The following CHRM5 variants were observed in gnomAD, a reference collection of about 807,000 sequenced individuals.
The protein encoded by CHRM5 is muscarinic acetylcholine receptor M5.
CHRM5 carries 18 observed loss-of-function variants against 39.0 expected under a neutral mutation model. The ratio of observed to expected loss-of-function variants is 0.46; its 90% CI spans 0.32 to 0.68. CHRM5 has a LOEUF of 0.68. CHRM5 is among the 30% of genes least tolerant of loss of function. The probability of loss-of-function intolerance (pLI) is 0.04; values close to 1 mark genes in which losing one functional copy is unlikely to be tolerated. For missense variants in CHRM5, 515 were observed against 651.1 expected (o/e 0.79, Z 2.28); for synonymous variants, 241 against 246.3 (o/e 0.98, Z 0.20).
At chr15:33,998,716 A>G (rs1433301251) in intron 1 of CHRM5, among the ~76,000 whole-genome samples, 1 of 152,220 alleles carries the variant, frequency 6.6e-6, no homozygotes, top group African/African-American at 2.4e-5. Flanking sequence ...CATCAACTGC[A>G]TTTGATACAG....
At chr15:34,006,294 G>C (rs1897337695) in intron 1 of CHRM5, among the ~76,000 whole-genome samples, 1 of 149,244 alleles carries the variant, frequency 6.7e-6, no homozygotes, top group Non-Finnish European at 1.5e-5. Context: ...CCGGGCAACA[G>C]AGCGAGACTC....
intron 1 of CHRM5, chr15:34,003,251 T>A (rs760291128): frequency 1.3e-6 from 2 of 1,598,074 alleles, no homozygotes; most frequent in Non-Finnish European, 1.7e-6. Flanking sequence ...GCAGTGGAAA[T>A]CCTGACCTTA....
At chr15:33,972,503 A>AAAAACC (rs1555511829) in intron 1 of CHRM5, 1 of 151,628 alleles carries the variant, frequency 6.6e-6, no homozygotes, top group African/African-American at 2.4e-5. Flanking sequence ...TGGATTTGTT[A>AAAAACC]AAAAACAAAA....
chr15:33,988,364 GAT>G (rs1235341927), intron 1 of CHRM5, among the ~76,000 whole-genome samples: 2 of 152,212 alleles, frequency 1.3e-5, no homozygotes, highest in Admixed American at 1.3e-4. Context: ...CTACCTAAGA[GAT>G]ATGAGAATTT....
At chr15:34,038,815 C>A in intron 1 of CHRM5, 1 of 1,194,852 alleles carries the variant, frequency 8.4e-7, no homozygotes, top group South Asian at 3.4e-5. Context: ...CCTCCCGGCT[C>A]CCGGCGGCTG....
At position 34,062,911 on chromosome 15, in the gene CHRM5, A is replaced by G. The variant is rs1309073991; in HGVS notation, c.194A>G (p.Asn65Ser). 6.2e-7 allele frequency: 1 copy of G among 1,614,068 alleles called. No homozygotes were observed. The highest frequency in any genetic ancestry group is 8.5e-7 in the Non-Finnish European group (1 of 1,180,030). The change falls in exon 3 of 3, where the codon AAC becomes AGC. Residue 65 changes from asparagine (N) to serine (S), a missense_variant. By Grantham distance (46) the Asn-to-Ser change is conservative. Coordinates refer to ENST00000383263, the MANE Select transcript of CHRM5 (RefSeq NM_012125.4). ...GTCAACAGCCAGCTCAAGACAGTTA[A>G]CAACTATTACCTGCTCAGCTTAGCC... The part of the protein sequence containing the change: ...FKVNSQLKTV[N>S]NYYLLSLACA...
chr15:33,978,295 C>T (rs897888032), intron 1 of CHRM5, among the ~76,000 whole-genome samples: 3 of 152,114 alleles, frequency 2.0e-5, no homozygotes, highest in Admixed American at 2.0e-4. Flanking sequence ...ACTGTAGACA[C>T]AGGAAGTCTC....
At chr15:34,057,695 G>A (rs997979226) in intron 2 of CHRM5, among the ~76,000 whole-genome samples, 2 of 152,174 alleles carry the variant, frequency 1.3e-5, no homozygotes, top group African/African-American at 4.8e-5. Flanking sequence ...TACGTGGGAG[G>A]CTGAGGCAGG....
chr15:34,066,175 G>A lies in CHRM5; in HGVS notation c.*1859G>A, dbSNP rs1900505134. ...CAGGTTGACACCTGCAAAGAATTCG[G>A]TGGGAACAGTAATTGGCTCAGTTCT... is the stretch of plus-strand genomic sequence containing the variant. On this transcript the variant is annotated 3_prime_UTR_variant, in exon 3 of 3. Coordinates refer to ENST00000383263, the MANE Select transcript of CHRM5 (RefSeq NM_012125.4). 1.3e-5 allele frequency: 2 copies of A among 152,250 alleles called. No homozygotes were observed. The highest frequency in any genetic ancestry group is 4.8e-5 in the African/African-American group (2 of 41,470). The allele number at this position is 152,250 out of a possible 1,614,324, so 9.4% of individuals were successfully genotyped here. A position where few individuals can be genotyped will look rare whatever the true frequency, so the allele number is the denominator to read the frequency against.
chr15:34,032,999 T>C (rs1898933748), intron 1 of CHRM5, among the ~76,000 whole-genome samples: 1 of 152,210 alleles, frequency 6.6e-6, no homozygotes, highest in Non-Finnish European at 1.5e-5. Flanking sequence ...TTTAATGAAC[T>C]GAGTGACATT....
At chr15:34,032,799 A>G (rs920987910) in intron 1 of CHRM5, among the ~76,000 whole-genome samples, 2 of 152,212 alleles carry the variant, frequency 1.3e-5, no homozygotes, top group Non-Finnish European at 2.9e-5. Flanking sequence ...CCAAGCCTCA[A>G]CAATAGGATA....
At chr15:33,978,674 A>G (rs1226197108) in intron 1 of CHRM5, among the ~76,000 whole-genome samples, 3 of 152,060 alleles carry the variant, frequency 2.0e-5, no homozygotes, top group African/African-American at 7.2e-5. Flanking sequence ...AAATAAATAA[A>G]TAAATAAATA....
chr15:34,038,448 C>A (rs1327563272), intron 1 of CHRM5, among the ~76,000 whole-genome samples: 1 of 152,194 alleles, frequency 6.6e-6, no homozygotes, highest in African/African-American at 2.4e-5. Context: ...ACAGCCCAGC[C>A]GGCCCACGGG....
intron 1 of CHRM5, among the ~76,000 whole-genome samples, chr15:34,001,454 A>G (rs926278207): frequency 2.0e-5 from 3 of 152,154 alleles, no homozygotes; most frequent in African/African-American, 7.2e-5. Context: ...TATTACTTCA[A>G]TTTTCTCCCC....
chr15:34,011,727 C>T (rs1042830603), intron 1 of CHRM5, among the ~76,000 whole-genome samples: 1 of 152,166 alleles, frequency 6.6e-6, no homozygotes, highest in African/African-American at 2.4e-5. Context: ...CTCTCTTTCC[C>T]TAAGTCCTTA....
chr15:33,976,410 A>C (rs965498245), intron 1 of CHRM5, among the ~76,000 whole-genome samples: 2 of 152,126 alleles, frequency 1.3e-5, no homozygotes, highest in African/African-American at 4.8e-5. Context: ...CTTGAGATTC[A>C]ATTTTAAGTA....
At chr15:34,012,677 G>C (rs1159748496) in intron 1 of CHRM5, among the ~76,000 whole-genome samples, 1 of 152,114 alleles carries the variant, frequency 6.6e-6, no homozygotes, top group African/African-American at 2.4e-5. Context: ...AGAAAAATCA[G>C]ACCATTAAAT....
At chr15:33,981,470 T>C (rs908627894) in intron 1 of CHRM5, among the ~76,000 whole-genome samples, 11 of 152,072 alleles carry the variant, frequency 7.2e-5, no homozygotes, top group Admixed American at 5.9e-4. Flanking sequence ...GCCAAAAGCT[T>C]TCTTCTTTTA....
chr15:34,045,857 G>A (rs756862258), intron 1 of CHRM5, among the ~76,000 whole-genome samples: 1 of 152,150 alleles, frequency 6.6e-6, no homozygotes, highest in Non-Finnish European at 1.5e-5. Context: ...GTAATGTATT[G>A]ACAGCAGAGA....
Sources: gnomAD v4.1 joint callset for allele counts (sites outside exome capture counted in the v4.1 genomes callset) on GRCh38, gnomAD v4.1.1 for gene constraint, MANE v1.5 for transcripts, NCBI Gene and HGNC (gene_info 2026-07-23, HGNC 2026-07-21) for gene names.